SGTB: variants seen among roughly 807,000 people sequenced by gnomAD.
SGTB encodes small glutamine-rich tetratricopeptide repeat-containing protein beta.
Under a neutral mutation model 43.9 loss-of-function variants are expected in SGTB, and 19 were observed. That is an observed-to-expected ratio of 0.43 (90% CI 0.30 to 0.63). SGTB has a LOEUF of 0.63. SGTB is among the 30% of genes least tolerant of loss of function. The probability of loss-of-function intolerance (pLI) is 0.12; values close to 1 mark genes in which losing one functional copy is unlikely to be tolerated. For synonymous variants in SGTB, 116 were observed against 117.3 expected (o/e 0.99, Z 0.07); for missense variants, 304 against 358.9 (o/e 0.85, Z 1.24).
intron 6 of SGTB, 61 bp downstream of exon 6, chr5:65,685,307 C>T: frequency 4.2e-6 from 6 of 1,427,220 alleles, no homozygotes; most frequent in Non-Finnish European, 5.9e-6. Context: ...AAAACCAAGC[C>T]ATTAAGAACA....
chr5:65,694,968 T>A (rs1182987404), intron 5 of SGTB, among the ~76,000 whole-genome samples: 3 of 152,116 alleles, frequency 2.0e-5, no homozygotes, highest in Non-Finnish European at 4.4e-5. Flanking sequence ...GAGCCTAGAT[T>A]AGAAAAGATC....
chr5:65,710,223 T>C (rs142976711), intron 3 of SGTB, among the ~76,000 whole-genome samples: 1 of 152,296 alleles, frequency 6.6e-6, no homozygotes, highest in African/African-American at 2.4e-5. Flanking sequence ...CTACAGCACT[T>C]GGCTTTAGGG....
chr5:65,697,721 C>A (rs1283208515), intron 5 of SGTB, among the ~76,000 whole-genome samples: 1 of 152,004 alleles, frequency 6.6e-6, no homozygotes. Context: ...TCTAGTGAGG[C>A]CAACTAAACT....
chr5:65,684,350 C>T (rs10043884), intron 6 of SGTB, among the ~76,000 whole-genome samples: 2,620 of 152,142 alleles, frequency 0.017, 75 homozygotes, highest in African/African-American at 0.06. Context: ...TCCCAAAATG[C>T]TGGGATTACA....
chr5:65,681,564 G>C (rs1215191240), intron 6 of SGTB, among the ~76,000 whole-genome samples: 2 of 151,938 alleles, frequency 1.3e-5, no homozygotes, highest in African/African-American at 2.4e-5. Context: ...TTTTCTACCA[G>C]TCAACCATGT....
chr5:65,670,358 C>T lies in SGTB; in HGVS notation c.804-1G>A. 1 of 1,613,116 alleles carries T rather than the reference C, an allele frequency of 6.2e-7. No homozygotes were observed. Among genetic ancestry groups the T allele is most frequent in the Non-Finnish European group, 8.5e-7 (1 of 1,179,278 alleles). On this transcript the variant is annotated splice_acceptor_variant, in intron 10 of 10. Transcript: ENST00000381007. LOFTEE classifies it high-confidence loss of function. Reference sequence around the variant, plus strand: ...TATCTGCTGAGCAAACTGCTGTCCCCTGTAGTAAAGAGGCAATGTGGTTTG... The same window carrying T: ...TATCTGCTGAGCAAACTGCTGTCCCTTGTAGTAAAGAGGCAATGTGGTTTG...
At chr5:65,704,049 A>AT (rs1554025722) in intron 5 of SGTB, among the ~76,000 whole-genome samples, 3,800 of 139,590 alleles carry the variant, frequency 0.027, 64 homozygotes, top group Admixed American at 0.042. Flanking sequence ...AAAAAAAAAA[A>AT]AAATAAATAA....
chr5:65,687,438 C>G (rs923964054), intron 5 of SGTB, among the ~76,000 whole-genome samples: 5 of 152,186 alleles, frequency 3.3e-5, no homozygotes, highest in African/African-American at 1.2e-4. Context: ...TAGATACATA[C>G]GTACTCAGAA....
chr5:65,671,665 G>A (rs1304900628), intron 10 of SGTB, among the ~76,000 whole-genome samples: 2 of 151,472 alleles, frequency 1.3e-5, no homozygotes, highest in African/African-American at 2.4e-5. Context: ...GTGGGGGGAA[G>A]CATAATAAAC....
At chr5:65,681,418 T>C (rs1757394869) in intron 6 of SGTB, among the ~76,000 whole-genome samples, 1 of 152,234 alleles carries the variant, frequency 6.6e-6, no homozygotes, top group East Asian at 1.9e-4. Context: ...AATTTACTTA[T>C]TGAAAAATTA....
At chr5:65,711,415 C>T (rs1758044587) in intron 3 of SGTB, among the ~76,000 whole-genome samples, 2 of 151,936 alleles carry the variant, frequency 1.3e-5, no homozygotes, top group Admixed American at 6.6e-5. Flanking sequence ...GTGACAGTAG[C>T]TAAAGAGTGA....
At chr5:65,671,071 T>C (rs1757144842) in intron 10 of SGTB, among the ~76,000 whole-genome samples, 1 of 152,216 alleles carries the variant, frequency 6.6e-6, no homozygotes, top group Non-Finnish European at 1.5e-5. Context: ...AATAAAAATT[T>C]CCTGAATTGC....
chr5:65,684,192 T>C (rs76220594), intron 6 of SGTB, among the ~76,000 whole-genome samples: 5,960 of 151,710 alleles, frequency 0.039, 392 homozygotes, highest in African/African-American at 0.13. Flanking sequence ...TCAAGCAATC[T>C]TCTCACCTCA....
At chr5:65,693,365 A>G (rs1257302418) in intron 5 of SGTB, among the ~76,000 whole-genome samples, 6 of 147,374 alleles carry the variant, frequency 4.1e-5, no homozygotes, top group African/African-American at 1.3e-4. Flanking sequence ...GAAGGAGAAA[A>G]AGAAAGAAAG....
At chr5:65,707,019 G>T (rs1302370151) in intron 4 of SGTB, among the ~76,000 whole-genome samples, 7 of 151,962 alleles carry the variant, frequency 4.6e-5, no homozygotes, top group Non-Finnish European at 1.0e-4. Context: ...TCAGCACTTT[G>T]GGAAGCTGAG....
intron 4 of SGTB, among the ~76,000 whole-genome samples, chr5:65,706,436 G>C (rs575617844): frequency 4.6e-5 from 7 of 152,266 alleles, no homozygotes; most frequent in Middle Eastern, 3.4e-3. Context: ...CAAAGGTGTA[G>C]ATATCATAAT....
chr5:65,673,545 G>A lies in SGTB; in HGVS notation c.682-1264C>T, dbSNP rs149578635. ...TGAGTGCTCCTCAAGAGAATCTAAC[G>A]CTCCTCTCCCCATCCTGCCCCTACC... On this transcript the variant is annotated intron_variant, in intron 8 of 10. Transcript: ENST00000381007. Among the ~76,000 whole-genome samples, 59 of 152,208 alleles carry A rather than the reference G, an allele frequency of 3.9e-4. No homozygotes were observed. The East Asian group carries it at 0.011, about 27-fold the overall frequency.
At chr5:65,721,355 A>G (rs1758273963) in intron 1 of SGTB, among the ~76,000 whole-genome samples, 1 of 152,232 alleles carries the variant, frequency 6.6e-6, no homozygotes, top group Admixed American at 6.5e-5. Context: ...TAAAAATGGC[A>G]TTTCTATTTA....
At chr5:65,680,279 G>GT (rs972446140) in intron 8 of SGTB, among the ~76,000 whole-genome samples, 7 of 152,086 alleles carry the variant, frequency 4.6e-5, no homozygotes, top group Non-Finnish European at 5.9e-5. Flanking sequence ...CATGGCAGAC[G>GT]TTTTACCTAT....
Sources: gnomAD v4.1 joint callset for allele counts (sites outside exome capture counted in the v4.1 genomes callset) on GRCh38, gnomAD v4.1.1 for gene constraint, MANE v1.5 for transcripts, NCBI Gene and HGNC (gene_info 2026-07-23, HGNC 2026-07-21) for gene names.